MIR2052HG: variants seen among roughly 807,000 people sequenced by gnomAD.
MIR2052HG encodes MIR2052 host gene.
intron 4 of MIR2052HG, among the ~76,000 whole-genome samples, chr8:74,745,111 A>G (rs1809870693): frequency 1.3e-5 from 2 of 152,072 alleles, no homozygotes; most frequent in African/African-American, 4.8e-5. Flanking sequence ...AAAATGTGAA[A>G]AAATGAAAAA....
At chr8:74,634,368 C>T (rs1011233564) in intron 2 of MIR2052HG, among the ~76,000 whole-genome samples, 25 of 152,262 alleles carry the variant, frequency 1.6e-4, no homozygotes, top group Non-Finnish European at 2.8e-4. Context: ...CCCAAATAGT[C>T]GGGCCAAAGG....
intron 4 of MIR2052HG, among the ~76,000 whole-genome samples, chr8:74,713,281 A>G (rs1809488096): frequency 6.6e-6 from 1 of 152,230 alleles, no homozygotes; most frequent in Non-Finnish European, 1.5e-5. Context: ...CAGTGTAATC[A>G]TCACCTCTTT....
intron 2 of MIR2052HG, among the ~76,000 whole-genome samples, chr8:74,696,133 C>T (rs1204997132): frequency 6.6e-6 from 1 of 151,996 alleles, no homozygotes; most frequent in East Asian, 1.9e-4. Context: ...TTTCTCAGAC[C>T]ACAGTGGAAA....
chr8:74,683,757 T>A (rs745412473), intron 2 of MIR2052HG, among the ~76,000 whole-genome samples: 45 of 152,162 alleles, frequency 3.0e-4, no homozygotes, highest in Non-Finnish European at 4.7e-4. Flanking sequence ...TATCTTTACC[T>A]AGATAATTAT....
intron 2 of MIR2052HG, among the ~76,000 whole-genome samples, chr8:74,659,939 GT>G (rs1808843688): frequency 6.6e-6 from 1 of 151,918 alleles, no homozygotes; most frequent in Non-Finnish European, 1.5e-5. Flanking sequence ...TTTGTTTTTT[GT>G]TTTGTTTCAG....
At chr8:74,669,785 C>T (rs548667715) in intron 2 of MIR2052HG, among the ~76,000 whole-genome samples, 2 of 152,260 alleles carry the variant, frequency 1.3e-5, no homozygotes, top group Admixed American at 1.3e-4. Context: ...CAAATGTCAT[C>T]TCTTCAGAGA....
chr8:74,618,823 G>T (rs569369309), intron 2 of MIR2052HG, among the ~76,000 whole-genome samples: 11 of 152,224 alleles, frequency 7.2e-5, no homozygotes, highest in Non-Finnish European at 1.6e-4. Flanking sequence ...GAAATAACAT[G>T]CACTCTAACT....
At chr8:74,706,375 T>C (rs1485338235) in intron 4 of MIR2052HG, among the ~76,000 whole-genome samples, 1 of 152,134 alleles carries the variant, frequency 6.6e-6, no homozygotes, top group Non-Finnish European at 1.5e-5. Flanking sequence ...TCATCCCTCA[T>C]AAATTTACAA....
intron 2 of MIR2052HG, among the ~76,000 whole-genome samples, chr8:74,630,278 T>C (rs898499713): frequency 6.6e-6 from 1 of 152,150 alleles, no homozygotes; most frequent in Admixed American, 6.5e-5. Context: ...ATTTAATCAA[T>C]GGACTGAAAA....
At chr8:74,711,346 C>T (rs1259064529) in intron 4 of MIR2052HG, among the ~76,000 whole-genome samples, 1 of 152,190 alleles carries the variant, frequency 6.6e-6, no homozygotes, top group Non-Finnish European at 1.5e-5. Flanking sequence ...GTTTACTGTT[C>T]TATACCCATT....
rs1209250322 is a variant in MIR2052HG, at chr8:74,750,486, C to G, written n.372-1955C>G. ...ATACTCTGCTAAAATATCATAGGAA[C>G]AAGGCTTGCAAATATAATATTAAAG... On this transcript the variant is annotated intron_variant and non_coding_transcript_variant, in intron 4 of 6. Transcript: ENST00000523442. Among the ~76,000 whole-genome samples, 3 of 152,060 alleles carry G rather than the reference C, an allele frequency of 2.0e-5. No homozygotes were observed. The East Asian group carries it at 5.8e-4, about 29-fold the overall frequency.
At chr8:74,617,154 A>G (rs1451561662) in intron 2 of MIR2052HG, among the ~76,000 whole-genome samples, 13 of 152,172 alleles carry the variant, frequency 8.5e-5, no homozygotes, top group Non-Finnish European at 4.4e-5. Flanking sequence ...TATATCATAT[A>G]GTGGTGAAAT....
intron 2 of MIR2052HG, among the ~76,000 whole-genome samples, chr8:74,631,552 T>G (rs1808511924): frequency 6.6e-6 from 1 of 152,188 alleles, no homozygotes; most frequent in Non-Finnish European, 1.5e-5. Flanking sequence ...TAATCATATA[T>G]TTACCTGTTT....
chr8:74,693,377 A>T (rs1443260860), intron 2 of MIR2052HG, among the ~76,000 whole-genome samples: 1 of 152,166 alleles, frequency 6.6e-6, no homozygotes, highest in African/African-American at 2.4e-5. Context: ...GGAAACTTCC[A>T]TCTGAACTTT....
At chr8:74,752,069 C>G (rs1809952382) in intron 4 of MIR2052HG, among the ~76,000 whole-genome samples, 1 of 151,880 alleles carries the variant, frequency 6.6e-6, no homozygotes, top group Non-Finnish European at 1.5e-5. Context: ...TCACTTGAGG[C>G]CAGGAGTTTG....
chr8:74,612,810 A>G lies in MIR2052HG; in HGVS notation n.129-43A>G, dbSNP rs945160570. On this transcript the variant is annotated intron_variant and non_coding_transcript_variant, in intron 1 of 6. Coordinates refer to ENST00000523442, the Ensembl canonical transcript of MIR2052HG. ...GAGTGTAGTAAAAGAAGCAGGAAAAATAATCTAATACGTATCTATTAAACA... is the reference window on the plus strand; with the variant it reads ...GAGTGTAGTAAAAGAAGCAGGAAAAGTAATCTAATACGTATCTATTAAACA... 4 of 438,416 alleles carry G rather than the reference A, an allele frequency of 9.1e-6. 1 individual carries two copies. The highest frequency in any genetic ancestry group is 7.8e-5 in the Admixed American group (3 of 38,262). The allele number at this position is 438,416 out of a possible 1,614,324, so 27.2% of individuals were successfully genotyped here. A position where few individuals can be genotyped will look rare whatever the true frequency, so the allele number is the denominator to read the frequency against.
chr8:74,616,936 T>G (rs2128732098), intron 2 of MIR2052HG, among the ~76,000 whole-genome samples: 1 of 152,072 alleles, frequency 6.6e-6, no homozygotes, highest in South Asian at 2.1e-4. Flanking sequence ...TTTCAGGTAT[T>G]GAGGCTATGA....
At chr8:74,630,697 G>A (rs796567468) in intron 2 of MIR2052HG, among the ~76,000 whole-genome samples, 29 of 152,206 alleles carry the variant, frequency 1.9e-4, no homozygotes, top group African/African-American at 4.6e-4. Flanking sequence ...AGTGAGCTAC[G>A]GATGGCATAA....
chr8:74,707,784 T>C (rs1809426279), intron 4 of MIR2052HG, among the ~76,000 whole-genome samples: 1 of 152,126 alleles, frequency 6.6e-6, no homozygotes, highest in African/African-American at 2.4e-5. Context: ...GAATGGACAA[T>C]TTTTGTGAGA....
Sources: gnomAD v4.1 joint callset for allele counts (sites outside exome capture counted in the v4.1 genomes callset) on GRCh38, gnomAD v4.1.1 for gene constraint, MANE v1.5 for transcripts, NCBI Gene and HGNC (gene_info 2026-07-23, HGNC 2026-07-21) for gene names.